ARHGAP24: variants seen among roughly 807,000 people sequenced by gnomAD.
ARHGAP24 encodes the protein rho GTPase-activating protein 24.
A neutral mutation model predicts 76.4 loss-of-function variants in ARHGAP24; 50 were observed. The ratio of observed to expected loss-of-function variants is 0.65; its 90% CI spans 0.52 to 0.83. The LOEUF (loss-of-function observed/expected upper bound fraction) is 0.83, where lower values mean the gene tolerates loss of function less well. Ranked by LOEUF, ARHGAP24 falls within the 40% of genes least tolerant of loss-of-function variation. ARHGAP24 has a pLI of 0.00. For synonymous variants in ARHGAP24, 345 were observed against 323.3 expected, an observed-to-expected ratio of 1.07 and a Z score of -0.72; for missense variants, 930 against 914.2, an observed-to-expected ratio of 1.02 and a Z score of -0.22.
rs532288121 is a variant in ARHGAP24 at position 85,961,786 on chromosome 4, G to C, written c.600-10250G>C. Among the ~76,000 whole-genome samples, 15 of 151,912 alleles carry C rather than the reference G, an allele frequency of 9.9e-5. No individual in the cohort carries two copies. In the East Asian group the frequency reaches 2.9e-3, roughly 29 times the overall value. ...AAAATATACACACACATATGCACAC[G>C]TGCATACACACACACACATATTTAA... On this transcript the variant is annotated intron_variant, in intron 5 of 9. Coordinates refer to ENST00000395184, the MANE Select transcript of ARHGAP24 (RefSeq NM_001025616.3).
At chr4:85,678,975 A>C (rs73835519) in intron 2 of ARHGAP24, among the ~76,000 whole-genome samples, 3,148 of 152,316 alleles carry the variant, frequency 0.021, 96 homozygotes, top group African/African-American at 0.072. Context: ...GCAGATTAAC[A>C]CAAGAAAAGA....
At chr4:85,557,940 A>C (rs2110133598) in intron 1 of ARHGAP24, among the ~76,000 whole-genome samples, 1 of 152,292 alleles carries the variant, frequency 6.6e-6, no homozygotes, top group Non-Finnish European at 1.5e-5. Flanking sequence ...TCCTCAGGTT[A>C]CAAATGTATT....
At chr4:85,828,080 C>G (rs1455718014) in intron 3 of ARHGAP24, 1 of 846,560 alleles carries the variant, frequency 1.2e-6, no homozygotes, top group Non-Finnish European at 1.7e-6. Context: ...AAATTCAGGA[C>G]CTAGACTGTG....
At chr4:85,977,804 C>G in intron 8 of ARHGAP24, 113 bp downstream of exon 8, 2 of 1,271,276 alleles carry the variant, frequency 1.6e-6, no homozygotes, top group South Asian at 2.5e-5. Context: ...TACATGGCAA[C>G]TCCGTTTATT....
At chr4:85,971,315 T>C (rs1738966102) in intron 5 of ARHGAP24, among the ~76,000 whole-genome samples, 1 of 152,192 alleles carries the variant, frequency 6.6e-6, no homozygotes, top group Non-Finnish European at 1.5e-5. Flanking sequence ...CATATACCCA[T>C]CTATAGATTT....
At chr4:85,932,034 C>CT (rs1016784320) in intron 4 of ARHGAP24, among the ~76,000 whole-genome samples, 2 of 151,016 alleles carry the variant, frequency 1.3e-5, no homozygotes, top group Admixed American at 6.6e-5. Context: ...ACAGTGGGAA[C>CT]TTTTTTTTTA....
rs899750940 is a variant in ARHGAP24 at position 85,507,631 on chromosome 4, T to G, written c.-21+32072T>G. On this transcript the variant is annotated intron_variant, in intron 1 of 9. Coordinates refer to ENST00000395184, the MANE Select transcript of ARHGAP24 (RefSeq NM_001025616.3). ...AAAAGACCCTCTATGGCTGGATAGT[T>G]CTGTTTTCTGACCTAAAAATAGTGA... Among the ~76,000 whole-genome samples, 10 of 152,214 alleles carry G rather than the reference T, an allele frequency of 6.6e-5. 1 individual carries two copies. The highest frequency in any genetic ancestry group is 1.5e-4 in the Non-Finnish European group (10 of 68,040).
intron 3 of ARHGAP24, among the ~76,000 whole-genome samples, chr4:85,895,350 G>T (rs998229169): frequency 2.0e-5 from 3 of 152,104 alleles, no homozygotes; most frequent in African/African-American, 7.2e-5. Flanking sequence ...AACTGGCTCA[G>T]TCTATGGAAA....
At chr4:85,698,736 T>G (rs543452128) in intron 2 of ARHGAP24, among the ~76,000 whole-genome samples, 1 of 152,296 alleles carries the variant, frequency 6.6e-6, no homozygotes, top group East Asian at 1.9e-4. Flanking sequence ...TAGTTTGTCC[T>G]CCCATGACAA....
At chr4:85,554,891 A>G (rs1419645817) in intron 1 of ARHGAP24, among the ~76,000 whole-genome samples, 2 of 150,874 alleles carry the variant, frequency 1.3e-5, no homozygotes, top group Non-Finnish European at 2.9e-5. Flanking sequence ...TGTGTTAGCC[A>G]GGATGTTCTC....
At chr4:85,547,315 G>A (rs1247211066) in intron 1 of ARHGAP24, among the ~76,000 whole-genome samples, 2 of 152,026 alleles carry the variant, frequency 1.3e-5, no homozygotes, top group Non-Finnish European at 2.9e-5. Flanking sequence ...AGTTTTATTT[G>A]TCTGTTTATC....
intron 2 of ARHGAP24, among the ~76,000 whole-genome samples, chr4:85,595,772 A>G (rs926087791): frequency 6.6e-6 from 1 of 152,114 alleles, no homozygotes; most frequent in Non-Finnish European, 1.5e-5. Flanking sequence ...AATTATATGA[A>G]TTATATAAAC....
intron 2 of ARHGAP24, among the ~76,000 whole-genome samples, chr4:85,646,760 G>A (rs58557354): frequency 0.029 from 4,373 of 152,054 alleles, 207 homozygotes; most frequent in African/African-American, 0.1. Flanking sequence ...TTGTGATCTG[G>A]CCATAGTGCT....
intron 1 of ARHGAP24, among the ~76,000 whole-genome samples, chr4:85,530,856 A>G (rs1725229381): frequency 6.6e-6 from 1 of 152,088 alleles, no homozygotes. Flanking sequence ...TTTTGTTGAA[A>G]GAAATAATTA....
chr4:85,994,989 T>A lies in ARHGAP24; in HGVS notation c.1335T>A (p.Gly445=). The A allele has an allele frequency of 1.9e-6, 3 of 1,613,760 alleles. No individual in the cohort carries two copies. The highest frequency in any genetic ancestry group is 2.5e-6 in the Non-Finnish European group (3 of 1,179,942). Residue 445 remains glycine, a synonymous_variant, in exon 9 of 10, where the codon GGT becomes GGA. Coordinates refer to ENST00000395184, the MANE Select transcript of ARHGAP24 (RefSeq NM_001025616.3). Reference sequence around the variant, plus strand: ...CCTTCAGCAGCAGTAATGCAGAAGGTCTTGAGAAAACCCAAACCACCCCCA... The same window carrying A: ...CCTTCAGCAGCAGTAATGCAGAAGGACTTGAGAAAACCCAAACCACCCCCA... ...NGSFSSSNAE[G]LEKTQTTPNG... is the part of the protein sequence containing the mutation.
At chr4:85,946,048 G>A (rs1290498738) in intron 5 of ARHGAP24, among the ~76,000 whole-genome samples, 4 of 151,970 alleles carry the variant, frequency 2.6e-5, no homozygotes, top group African/African-American at 9.7e-5. Flanking sequence ...TGTGGATGGC[G>A]GCAGGCAAAA....
intron 1 of ARHGAP24, among the ~76,000 whole-genome samples, chr4:85,519,992 T>C (rs574679033): frequency 1.3e-5 from 2 of 152,270 alleles, no homozygotes; most frequent in South Asian, 4.1e-4. Flanking sequence ...CTCTCACCTT[T>C]CGTGTTTACT....
intron 2 of ARHGAP24, among the ~76,000 whole-genome samples, chr4:85,623,271 G>A (rs1720791549): frequency 6.6e-6 from 1 of 152,052 alleles, no homozygotes; most frequent in Non-Finnish European, 1.5e-5. Flanking sequence ...ATTAATTTTT[G>A]TATAAGGTGT....
At chr4:85,787,863 C>A (rs551241113) in intron 3 of ARHGAP24, among the ~76,000 whole-genome samples, 2 of 152,226 alleles carry the variant, frequency 1.3e-5, no homozygotes, top group Non-Finnish European at 2.9e-5. Flanking sequence ...AATCTAAGAG[C>A]AAAGGAACCT....
Sources: gnomAD v4.1 joint callset for allele counts (sites outside exome capture counted in the v4.1 genomes callset) on GRCh38, gnomAD v4.1.1 for gene constraint, MANE v1.5 for transcripts, NCBI Gene and HGNC (gene_info 2026-07-23, HGNC 2026-07-21) for gene names.